PCDH15: variants seen among roughly 807,000 people sequenced by gnomAD.
The protein encoded by PCDH15 is protocadherin-15.
PCDH15 carries 129 observed loss-of-function variants against 178.5 expected under a neutral mutation model. The ratio of observed to expected loss-of-function variants is 0.72; its 90% CI spans 0.63 to 0.84. The LOEUF is 0.84. PCDH15 is among the 40% of genes least tolerant of loss of function. PCDH15 has a pLI of 0.00. For missense variants in PCDH15, 2,230 were observed against 2,099.9 expected, an observed-to-expected ratio of 1.06 and a Z score of -1.21; for synonymous variants, 800 against 732.0, an observed-to-expected ratio of 1.09 and a Z score of -1.50.
intron 2 of PCDH15, among the ~76,000 whole-genome samples, chr10:55,145,519 A>T (rs377639756): frequency 6.6e-6 from 1 of 151,978 alleles, no homozygotes; most frequent in East Asian, 1.9e-4. Flanking sequence ...TAACTTATGT[A>T]GACCCATAAT....
intron 3 of PCDH15, among the ~76,000 whole-genome samples, chr10:54,426,263 A>T (rs999200906): frequency 3.3e-5 from 5 of 152,060 alleles, no homozygotes; most frequent in African/African-American, 1.2e-4. Flanking sequence ...GGTACCAGGG[A>T]TTCATTTTGC....
intron 3 of PCDH15, among the ~76,000 whole-genome samples, chr10:54,807,972 A>C (rs961376911): frequency 6.6e-6 from 1 of 151,716 alleles, no homozygotes; most frequent in Non-Finnish European, 1.5e-5. Context: ...TTACAACATT[A>C]AAATTTTAAA....
chr10:54,648,058 A>G (rs578077359), intron 2 of PCDH15, among the ~76,000 whole-genome samples: 100 of 152,216 alleles, frequency 6.6e-4, no homozygotes, highest in African/African-American at 2.4e-3. Flanking sequence ...AAGAGTTTCA[A>G]TTATTCTTTA....
chr10:53,824,609 A>T (rs548014795), intron 32 of PCDH15, among the ~76,000 whole-genome samples: 2 of 152,264 alleles, frequency 1.3e-5, no homozygotes, highest in South Asian at 4.1e-4. Flanking sequence ...GAAAATTCAG[A>T]CAATCTGGAC....
At chr10:54,933,782 C>G (rs1837839875) in intron 2 of PCDH15, among the ~76,000 whole-genome samples, 1 of 152,022 alleles carries the variant, frequency 6.6e-6, no homozygotes. Flanking sequence ...TGAAAAACTG[C>G]TATTATACTG....
At chr10:54,825,434 C>T (rs1352894846) in intron 3 of PCDH15, among the ~76,000 whole-genome samples, 1 of 147,888 alleles carries the variant, frequency 6.8e-6, no homozygotes, top group Non-Finnish European at 1.5e-5. Flanking sequence ...TTCTAGATCC[C>T]TGAGGAATCG....
intron 1 of PCDH15, among the ~76,000 whole-genome samples, chr10:55,242,206 G>A (rs555384173): frequency 6.6e-6 from 1 of 152,236 alleles, no homozygotes; most frequent in South Asian, 2.1e-4. Context: ...TCAGTTCAGT[G>A]TGTCAGTTCC....
chr10:53,860,164 TG>T (rs1254030338), intron 27 of PCDH15, among the ~76,000 whole-genome samples: 1 of 152,168 alleles, frequency 6.6e-6, no homozygotes, highest in Non-Finnish European at 1.5e-5. Context: ...GAGATCCAGG[TG>T]TTAACTTTGA....
At chr10:54,893,585 G>T (rs989444769) in intron 3 of PCDH15, among the ~76,000 whole-genome samples, 4 of 151,768 alleles carry the variant, frequency 2.6e-5, no homozygotes, top group African/African-American at 9.7e-5. Flanking sequence ...CCATGAGAAA[G>T]CATATAAATA....
At chr10:53,817,767 A>G (rs893651449) in intron 34 of PCDH15, among the ~76,000 whole-genome samples, 2 of 152,052 alleles carry the variant, frequency 1.3e-5, no homozygotes, top group African/African-American at 4.8e-5. Context: ...AAATACATGT[A>G]TCCTTAAAAA....
intron 2 of PCDH15, among the ~76,000 whole-genome samples, chr10:54,989,029 T>A (rs1839440235): frequency 6.6e-6 from 1 of 152,200 alleles, no homozygotes; most frequent in Non-Finnish European, 1.5e-5. Flanking sequence ...CCAGCCACTC[T>A]GGCCATGGCT....
chr10:55,544,139 C>CATATATATATATATATATATATAT (rs1176456895), intron 2 of PCDH15, among the ~76,000 whole-genome samples: 17 of 54,302 alleles, frequency 3.1e-4, no homozygotes, highest in South Asian at 7.2e-4. Context: ...CTTATACATA[C>CATATATATATATATATATATATAT]ATATATATAT....
At chr10:54,304,201 C>T (rs1424044913) in intron 8 of PCDH15, among the ~76,000 whole-genome samples, 2 of 152,058 alleles carry the variant, frequency 1.3e-5, no homozygotes, top group African/African-American at 4.8e-5. Flanking sequence ...ATCATTGTTT[C>T]CCGTTAAATT....
chr10:54,295,617 A>T (rs1564892076), intron 8 of PCDH15, among the ~76,000 whole-genome samples: 1 of 152,080 alleles, frequency 6.6e-6, no homozygotes, highest in Non-Finnish European at 1.5e-5. Flanking sequence ...AAATGAAGAA[A>T]CTCCGGACAT....
intron 21 of PCDH15, among the ~76,000 whole-genome samples, chr10:53,985,220 T>A (rs890036519): frequency 6.6e-6 from 1 of 152,184 alleles, no homozygotes; most frequent in Non-Finnish European, 1.5e-5. Context: ...AAAAAAAAAC[T>A]TTATATAATG....
intron 4 of PCDH15, among the ~76,000 whole-genome samples, chr10:54,372,407 GT>G (rs1279280765): frequency 6.6e-6 from 1 of 151,862 alleles, no homozygotes; most frequent in East Asian, 1.9e-4. Context: ...CTATGCAACT[GT>G]TAGTGGCATG....
At chr10:54,571,313 C>T (rs1221214502) in intron 2 of PCDH15, among the ~76,000 whole-genome samples, 4 of 120,280 alleles carry the variant, frequency 3.3e-5, no homozygotes, top group African/African-American at 1.0e-4. Context: ...TGCTGAAGTA[C>T]GAGACAATAG....
chr10:54,614,115 C>A (rs997130520), intron 2 of PCDH15, among the ~76,000 whole-genome samples: 1 of 151,800 alleles, frequency 6.6e-6, no homozygotes. Context: ...TATATATACA[C>A]CCATATATGC....
At chr10:55,308,126 T>A (rs1215694923) in intron 1 of PCDH15, among the ~76,000 whole-genome samples, 2 of 152,284 alleles carry the variant, frequency 1.3e-5, no homozygotes, top group African/African-American at 4.8e-5. Context: ...TGAGTTTCAC[T>A]AAATAAAATG....
Sources: gnomAD v4.1 joint callset for allele counts (sites outside exome capture counted in the v4.1 genomes callset) on GRCh38, gnomAD v4.1.1 for gene constraint, MANE v1.5 for transcripts, NCBI Gene and HGNC (gene_info 2026-07-23, HGNC 2026-07-21) for gene names.